Variants in WWOX observed in about 807,000 individuals in gnomAD.
WWOX encodes WW domain containing oxidoreductase.
A neutral mutation model predicts 46.2 loss-of-function variants in WWOX; 69 were observed. The observed-to-expected ratio is 1.49, with a 90% CI of 1.23 to 1.82. The LOEUF (loss-of-function observed/expected upper bound fraction) is 1.82. Among genes scored for constraint, WWOX ranks in the 40% most tolerant of loss-of-function variants. The pLI, the probability that WWOX is intolerant of heterozygous loss-of-function variation, is 0.00. For synonymous variants in WWOX, 359 were observed against 202.6 expected (o/e 1.77, Z -6.56); for missense variants, 919 against 542.6 (o/e 1.69, Z -6.89).
At chr16:78,835,964 C>G (rs772889072) in intron 8 of WWOX, among the ~76,000 whole-genome samples, 9 of 152,138 alleles carry the variant, frequency 5.9e-5, no homozygotes, top group Non-Finnish European at 1.3e-4. Flanking sequence ...TATGTTACTA[C>G]CTAAGCTGCC....
intron 8 of WWOX, among the ~76,000 whole-genome samples, chr16:78,694,351 A>G (rs2048054513): frequency 6.6e-6 from 1 of 152,204 alleles, no homozygotes; most frequent in Admixed American, 6.5e-5. Context: ...CTGCTTCTGC[A>G]AATACTTGAC....
chr16:78,281,021 A>G (rs2079668778), intron 5 of WWOX: 1 of 152,310 alleles, frequency 6.6e-6, no homozygotes. Flanking sequence ...GTAAATGGAA[A>G]TACCACTACT....
At chr16:79,016,087 C>G (rs1326072105) in intron 8 of WWOX, 1 of 152,172 alleles carries the variant, frequency 6.6e-6, no homozygotes, top group Non-Finnish European at 1.5e-5. Context: ...CTTTGTATCT[C>G]TATATGTTCT....
In WWOX at chr16:78,594,436, C is replaced by T. The variant is rs1210521986; in HGVS notation, c.1056+161684C>T. 3.1e-5 allele frequency among the ~76,000 whole-genome samples: 2 copies of T among 65,462 alleles called. 1 individual carries two copies. Among genetic ancestry groups the T allele is most frequent in the Admixed American group, 2.4e-4 (2 of 8,390 alleles). 42.9% of individuals were successfully genotyped at this position (65,462 alleles called of 152,430 possible). A position where few individuals can be genotyped will look rare whatever the true frequency, so the allele number is the denominator to read the frequency against. ...GAAGAAGACTGAGGAAAGGCCCCCC[C>T]CCCCCCCCCGCCAAATTGTCCCGTT... On this transcript the variant is annotated intron_variant, in intron 8 of 8. Transcript: ENST00000566780.
chr16:78,409,856 A>G (rs376639210), intron 6 of WWOX, among the ~76,000 whole-genome samples: 41 of 152,138 alleles, frequency 2.7e-4, no homozygotes, highest in African/African-American at 8.2e-4. Flanking sequence ...ATTTCCCTCT[A>G]GCCACAATCG....
At chr16:78,296,464 CAT>C (rs1234775384) in intron 5 of WWOX, among the ~76,000 whole-genome samples, 11 of 151,276 alleles carry the variant, frequency 7.3e-5, no homozygotes, top group Non-Finnish European at 1.6e-4. Context: ...ATGAGCAAAA[CAT>C]ATTGTTTTCT....
chr16:78,372,624 G>A (rs1421959065), intron 5 of WWOX, among the ~76,000 whole-genome samples: 3 of 152,142 alleles, frequency 2.0e-5, no homozygotes, highest in African/African-American at 7.2e-5. Context: ...CTCTCCTTAG[G>A]GGAATTAGCA....
At chr16:78,569,198 T>C (rs1402981427) in intron 8 of WWOX, among the ~76,000 whole-genome samples, 1 of 152,228 alleles carries the variant, frequency 6.6e-6, no homozygotes, top group Non-Finnish European at 1.5e-5. Context: ...AGCAAAGATG[T>C]ACTGTTTCCC....
intron 8 of WWOX, among the ~76,000 whole-genome samples, chr16:78,887,908 T>C (rs559338884): frequency 2.0e-5 from 3 of 152,208 alleles, no homozygotes; most frequent in African/African-American, 4.8e-5. Context: ...TAAAATCTTC[T>C]TAATGAGGGG....
At position 79,019,174 on chromosome 16, in the gene WWOX, A is replaced by G. The variant is rs1273893550; in HGVS notation, c.1057-192434A>G. Among the ~76,000 whole-genome samples, 26 of 56,746 alleles carry G rather than the reference A, an allele frequency of 4.6e-4. 1 individual carries two copies. The highest frequency in any genetic ancestry group is 6.9e-4 in the South Asian group (1 of 1,456). The allele number at this position is 56,746 out of a possible 152,430, so 37.2% of individuals were successfully genotyped here. ...CCTTGTCTCAAAAAAAAAAAAAAAA[A>G]AAAAAAAAAAAGAAAAAAAAAAGTT... On this transcript the variant is annotated intron_variant, in intron 8 of 8. Transcript: ENST00000566780.
At chr16:78,934,973 C>T (rs1567660063) in intron 8 of WWOX, among the ~76,000 whole-genome samples, 3 of 152,172 alleles carry the variant, frequency 2.0e-5, no homozygotes, top group Admixed American at 6.5e-5. Context: ...CAAAAGAAGA[C>T]ATTTATGCAG....
chr16:78,717,483 C>A (rs2048590377), intron 8 of WWOX, among the ~76,000 whole-genome samples: 1 of 152,070 alleles, frequency 6.6e-6, no homozygotes, highest in Non-Finnish European at 1.5e-5. Context: ...GGTAGGTGGT[C>A]AACAAATGTG....
chr16:78,476,142 A>C (rs975665639), intron 8 of WWOX, among the ~76,000 whole-genome samples: 3 of 152,180 alleles, frequency 2.0e-5, no homozygotes, highest in African/African-American at 7.2e-5. Flanking sequence ...CAGGTGGTGA[A>C]GCTACTGGAT....
intron 8 of WWOX, among the ~76,000 whole-genome samples, chr16:78,603,672 C>G (rs1241739565): frequency 6.6e-6 from 1 of 151,942 alleles, no homozygotes; most frequent in Non-Finnish European, 1.5e-5. Flanking sequence ...CCAACCTGGG[C>G]AACAGAGTGA....
chr16:79,174,430 C>T (rs1004729340), intron 8 of WWOX, among the ~76,000 whole-genome samples: 1 of 152,142 alleles, frequency 6.6e-6, no homozygotes, highest in African/African-American at 2.4e-5. Context: ...AGGTGGATCA[C>T]CTGAGGTCAG....
intron 8 of WWOX, among the ~76,000 whole-genome samples, chr16:79,097,269 T>G (rs2049095404): frequency 6.6e-6 from 1 of 152,090 alleles, no homozygotes; most frequent in South Asian, 2.1e-4. Context: ...CATGCCTAGC[T>G]GTTTCCTTAG....
At chr16:78,643,487 G>A (rs1398994480) in intron 8 of WWOX, among the ~76,000 whole-genome samples, 1 of 152,042 alleles carries the variant, frequency 6.6e-6, no homozygotes, top group Admixed American at 6.6e-5. Context: ...GCAATTAGGC[G>A]ACTTCTAACA....
intron 5 of WWOX, among the ~76,000 whole-genome samples, chr16:78,386,146 C>G (rs748973966): frequency 2.0e-5 from 3 of 152,174 alleles, no homozygotes; most frequent in African/African-American, 7.2e-5. Context: ...TTGTAAGATG[C>G]TGCATTGTCA....
intron 8 of WWOX, among the ~76,000 whole-genome samples, chr16:78,518,680 C>T (rs1455832039): frequency 1.3e-5 from 2 of 152,310 alleles, no homozygotes; most frequent in East Asian, 1.9e-4. Flanking sequence ...GCCGATTGTT[C>T]AGCAGCCACC....
Sources: allele counts gnomAD v4.1 joint callset (sites outside exome capture counted in the v4.1 genomes callset), GRCh38; gene constraint gnomAD v4.1.1; transcripts MANE v1.5; gene names NCBI Gene and HGNC (gene_info 2026-07-23, HGNC 2026-07-21).